Variants in GMDS observed in about 807,000 individuals in gnomAD.
GMDS encodes GDP-mannose 4,6 dehydratase.
A neutral mutation model predicts 49.9 loss-of-function variants in GMDS; 20 were observed. The ratio of observed to expected loss-of-function variants is 0.40; its 90% confidence interval spans 0.28 to 0.58. GMDS has a LOEUF of 0.58. GMDS is among the 20% of genes least tolerant of loss of function. The pLI, the probability that GMDS is intolerant of heterozygous loss-of-function variation, is 0.42. For synonymous variants in GMDS, 177 were observed against 178.6 expected (o/e 0.99, Z 0.07); for missense variants, 362 against 481.4 (o/e 0.75, Z 2.32).
chr6:2,045,611 T>G (rs1769959441), intron 4 of GMDS, among the ~76,000 whole-genome samples: 2 of 152,126 alleles, frequency 1.3e-5, no homozygotes, highest in African/African-American at 4.8e-5. Flanking sequence ...GGGGTTTTGT[T>G]TGTATGTTTG....
At chr6:1,798,986 C>T (rs1025275474) in intron 7 of GMDS, among the ~76,000 whole-genome samples, 1 of 152,218 alleles carries the variant, frequency 6.6e-6, no homozygotes, top group African/African-American at 2.4e-5. Context: ...TGTTCTGGGC[C>T]TGGTCCATAC....
At chr6:2,116,685 G>A (rs141612594) in intron 3 of GMDS, among the ~76,000 whole-genome samples, 41 of 152,302 alleles carry the variant, frequency 2.7e-4, no homozygotes, top group Admixed American at 1.1e-3. Context: ...GGGGTCAGGG[G>A]TGAATACAAA....
At chr6:2,041,053 T>A (rs1032003500) in intron 4 of GMDS, among the ~76,000 whole-genome samples, 5 of 152,222 alleles carry the variant, frequency 3.3e-5, no homozygotes, top group Admixed American at 6.5e-5. Context: ...GAAAGGACAT[T>A]ACTTTTTCTC....
chr6:2,058,239 T>C (rs996339842), intron 4 of GMDS, among the ~76,000 whole-genome samples: 1 of 151,632 alleles, frequency 6.6e-6, no homozygotes, highest in East Asian at 1.9e-4. Context: ...GTACCTGTAA[T>C]TCCAGCTACT....
At chr6:2,015,397 T>C (rs1447752320) in intron 4 of GMDS, among the ~76,000 whole-genome samples, 2 of 152,194 alleles carry the variant, frequency 1.3e-5, no homozygotes, top group Non-Finnish European at 2.9e-5. Context: ...TTAAATAGCA[T>C]ACTTTCAAAT....
intron 4 of GMDS, among the ~76,000 whole-genome samples, chr6:1,980,921 A>G (rs1427370634): frequency 6.6e-6 from 1 of 152,230 alleles, no homozygotes; most frequent in Admixed American, 6.5e-5. Flanking sequence ...TGGAAATTGA[A>G]CACCTGCTCC....
chr6:2,027,904 C>T (rs916487258), intron 4 of GMDS, among the ~76,000 whole-genome samples: 2 of 152,006 alleles, frequency 1.3e-5, no homozygotes, highest in South Asian at 2.1e-4. Flanking sequence ...AATATATAAA[C>T]TCATTGCCAC....
At chr6:1,961,180 A>G (rs1458504513) in intron 4 of GMDS, among the ~76,000 whole-genome samples, 1 of 152,230 alleles carries the variant, frequency 6.6e-6, no homozygotes, top group Non-Finnish European at 1.5e-5. Context: ...GGTAATGTGA[A>G]GAACACTTTA....
chr6:1,938,243 C>T (rs1003434980), intron 6 of GMDS, among the ~76,000 whole-genome samples: 4 of 152,226 alleles, frequency 2.6e-5, no homozygotes, highest in Non-Finnish European at 4.4e-5. Flanking sequence ...TCTCCTTCTT[C>T]AGGGGAATAT....
chr6:2,142,997 C>A (rs1375693253), intron 1 of GMDS, among the ~76,000 whole-genome samples: 1 of 152,184 alleles, frequency 6.6e-6, no homozygotes, highest in Non-Finnish European at 1.5e-5. Flanking sequence ...CCACCACTTT[C>A]TCAGAAATGC....
rs184848709 is a variant in GMDS, at chr6:1,750,931, C to T, written c.772-8345G>A. Reference sequence around the variant, plus strand: ...TGAGGCTTGAGTAGGTGGTTTTCCCCTCACAGTGTAAACAAAGCCATCAGG... The same window carrying T: ...TGAGGCTTGAGTAGGTGGTTTTCCCTTCACAGTGTAAACAAAGCCATCAGG... On this transcript the variant is annotated intron_variant, in intron 7 of 10. Transcript: ENST00000380815. Among the ~76,000 whole-genome samples the T allele has an allele frequency of 3.4e-3, 521 of 152,258 alleles. 4 individuals are homozygous for T. The highest frequency in any genetic ancestry group is 9.8e-3 in the African/African-American group (406 of 41,540).
intron 7 of GMDS, among the ~76,000 whole-genome samples, chr6:1,862,457 C>T (rs1036072059): frequency 6.6e-6 from 1 of 152,220 alleles, no homozygotes; most frequent in Non-Finnish European, 1.5e-5. Flanking sequence ...ATGCTAGGTG[C>T]AGCTTATCAA....
intron 7 of GMDS, among the ~76,000 whole-genome samples, chr6:1,823,464 T>C (rs1209325484): frequency 6.6e-6 from 1 of 152,186 alleles, no homozygotes; most frequent in Admixed American, 6.5e-5. Flanking sequence ...TGTATGTTCT[T>C]ACACAGCTGA....
chr6:2,058,942 A>G (rs1031776740), intron 4 of GMDS, among the ~76,000 whole-genome samples: 1 of 152,092 alleles, frequency 6.6e-6, no homozygotes, highest in African/African-American at 2.4e-5. Flanking sequence ...TTGGGGGGCC[A>G]AGGTGAGCAG....
At position 1,893,194 on chromosome 6, in the gene GMDS, T is replaced by C. The variant is rs1362756377; in HGVS notation, c.771+36909A>G. On this transcript the variant is annotated intron_variant, in intron 7 of 10. Coordinates refer to ENST00000380815, the MANE Select transcript of GMDS (RefSeq NM_001500.4). ...TTCTCATCTCTGGTTTTTTGTTTTC[T>C]TTTTTTTTTTTTTTTTTGAGACGGA... is the stretch of plus-strand genomic sequence containing the variant. Among the ~76,000 whole-genome samples the C allele has an allele frequency of 8.8e-4, 51 of 58,190 alleles. 1 individual carries two copies. The highest frequency in any genetic ancestry group is 1.7e-4 in the Non-Finnish European group (5 of 29,828). The allele number at this position is 58,190 out of a possible 152,430, so 38.2% of individuals were successfully genotyped here.
At chr6:2,029,870 C>CA (rs1305033894) in intron 4 of GMDS, among the ~76,000 whole-genome samples, 1 of 152,058 alleles carries the variant, frequency 6.6e-6, no homozygotes, top group Non-Finnish European at 1.5e-5. Flanking sequence ...AATTTTGTGT[C>CA]ATTTTGAATT....
chr6:1,769,708 TA>T (rs1269202612), intron 7 of GMDS, among the ~76,000 whole-genome samples: 6 of 130,770 alleles, frequency 4.6e-5, no homozygotes, highest in East Asian at 4.3e-4. Flanking sequence ...TTTTATTTTT[TA>T]TTTTTTTTTT....
At chr6:1,945,236 T>C (rs1561912286) in intron 6 of GMDS, among the ~76,000 whole-genome samples, 1 of 152,008 alleles carries the variant, frequency 6.6e-6, no homozygotes, top group Non-Finnish European at 1.5e-5. Flanking sequence ...GCTTGAATCA[T>C]ATCTATAACT....
chr6:1,639,991 G>A (rs1420661456), intron 9 of GMDS, among the ~76,000 whole-genome samples: 1 of 152,222 alleles, frequency 6.6e-6, no homozygotes, highest in Non-Finnish European at 1.5e-5. Context: ...GTATAAGCCT[G>A]TTGAATGATA....
Sources: gnomAD v4.1 joint callset for allele counts (sites outside exome capture counted in the v4.1 genomes callset) on GRCh38, gnomAD v4.1.1 for gene constraint, MANE v1.5 for transcripts, NCBI Gene and HGNC (gene_info 2026-07-23, HGNC 2026-07-21) for gene names.